RAB3IP: variants seen among roughly 807,000 people sequenced by gnomAD.
The protein encoded by RAB3IP is RAB3A interacting protein.
A neutral mutation model predicts 59.1 loss-of-function variants in RAB3IP; 36 were observed. The ratio of observed to expected loss-of-function variants is 0.61; its 90% CI spans 0.47 to 0.80. RAB3IP has a LOEUF of 0.80. Ranked by LOEUF, RAB3IP falls within the 30% of genes least tolerant of loss-of-function variation. The pLI, the probability that RAB3IP is intolerant of heterozygous loss-of-function variation, is 0.00. For synonymous variants in RAB3IP, 207 were observed against 191.2 expected (o/e 1.08, Z -0.68); for missense variants, 511 against 536.0 (o/e 0.95, Z 0.46).
At chr12:69,767,511 A>G (rs1468454952) in intron 3 of RAB3IP, among the ~76,000 whole-genome samples, 1 of 152,238 alleles carries the variant, frequency 6.6e-6, no homozygotes, top group African/African-American at 2.4e-5. Flanking sequence ...CTGACGGTGA[A>G]TCCAATGGGC....
intron 3 of RAB3IP, among the ~76,000 whole-genome samples, chr12:69,783,037 C>T (rs966603666): frequency 2.0e-5 from 3 of 152,086 alleles, no homozygotes; most frequent in African/African-American, 4.8e-5. Flanking sequence ...AATTCGGTAC[C>T]AGTCTGATTT....
intron 5 of RAB3IP, 98 bp downstream of exon 5, chr12:69,794,612 G>A: frequency 1.1e-6 from 1 of 900,250 alleles, no homozygotes; most frequent in South Asian, 2.0e-5. Context: ...TCGTAAAGTA[G>A]TGCTTGTTTT....
chr12:69,765,595 A>G (rs1170428459), intron 3 of RAB3IP, among the ~76,000 whole-genome samples: 1 of 152,176 alleles, frequency 6.6e-6, no homozygotes, highest in African/African-American at 2.4e-5. Flanking sequence ...TGGCCTGTGT[A>G]CTTAAGTGTG....
chr12:69,801,859 A>G (rs1878439813), intron 8 of RAB3IP, 138 bp downstream of exon 8: 2 of 522,840 alleles, frequency 3.8e-6, no homozygotes, highest in South Asian at 2.7e-5. Flanking sequence ...AGCCTAGCCC[A>G]AAGACAAATT....
rs574698521 is a variant in RAB3IP, at chr12:69,815,415, C to G, written c.1352C>G (p.Ala451Gly). Reference protein sequence around the residue: ...VMQLRKEMSLAKLGYFKEEL With the variant: ...VMQLRKEMSLGKLGYFKEEL Reference sequence around the variant, plus strand: ...CAGTTGAGAAAAGAGATGTCATTGGCAAAGCTGGGTTATTTCAAAGAGGAA... The same window carrying G: ...CAGTTGAGAAAAGAGATGTCATTGGGAAAGCTGGGTTATTTCAAAGAGGAA... The change falls in exon 11 of 11, where the codon GCA (alanine) becomes GGA (glycine). Residue 451 changes from alanine (A) to glycine (G), a missense_variant. Ala to Gly is a moderately conservative substitution (Grantham distance 60, BLOSUM62 0). Transcript: ENST00000247833. The G allele has an allele frequency of 1.1e-5, 17 of 1,612,568 alleles. No homozygotes were observed. The highest frequency in any genetic ancestry group is 1.3e-5 in the Non-Finnish European group (15 of 1,178,870).
At chr12:69,757,117 C>T (rs1870357795) in intron 3 of RAB3IP, among the ~76,000 whole-genome samples, 1 of 152,004 alleles carries the variant, frequency 6.6e-6, no homozygotes. Flanking sequence ...GTTGTGTTTC[C>T]CATTTGGTCA....
At chr12:69,738,850 C>G (rs898303326), upstream of RAB3IP, 1 of 152,246 alleles carries the variant, frequency 6.6e-6, no homozygotes, top group African/African-American at 2.4e-5. Flanking sequence ...CCCCCGGCCC[C>G]GCTTCCGGCG....
At chr12:69,763,968 C>A (rs967585929) in intron 3 of RAB3IP, among the ~76,000 whole-genome samples, 4 of 152,194 alleles carry the variant, frequency 2.6e-5, no homozygotes, top group African/African-American at 9.6e-5. Context: ...TATAATATTC[C>A]TTGGTGTATA....
chr12:69,820,638 C>T lies in RAB3IP; in HGVS notation c.*5192C>T, dbSNP rs191081727. 6.6e-6 allele frequency: 1 copy of T among 151,080 alleles called. No individual in the cohort carries two copies. Among genetic ancestry groups the T allele is most frequent in the South Asian group, 2.1e-4 (1 of 4,796 alleles). 9.4% of individuals were successfully genotyped at this position (151,080 alleles called of 1,614,324 possible). A position where few individuals can be genotyped will look rare whatever the true frequency, so the allele number is the denominator to read the frequency against. On this transcript the variant is annotated 3_prime_UTR_variant, in exon 11 of 11. Coordinates refer to ENST00000247833, the MANE Select transcript of RAB3IP (RefSeq NM_022456.5). ...CTTTGGGAGGCCGAGGCGGGCGGAT[C>T]CCCTGAGGTTGGTAGTTCGAGACCT...
intron 2 of RAB3IP, among the ~76,000 whole-genome samples, chr12:69,756,097 C>T (rs938366309): frequency 3.3e-5 from 5 of 152,134 alleles, no homozygotes; most frequent in African/African-American, 4.8e-5. Flanking sequence ...CTTATAAAAA[C>T]GGGTGGAAGG....
chr12:69,807,856 A>C (rs1023829214), intron 8 of RAB3IP, among the ~76,000 whole-genome samples: 1 of 128,292 alleles, frequency 7.8e-6, no homozygotes. Context: ...GGCGCTCCTC[A>C]CCTCCCAGAC....
At chr12:69,802,367 A>G (rs1251713375) in intron 8 of RAB3IP, among the ~76,000 whole-genome samples, 1 of 152,114 alleles carries the variant, frequency 6.6e-6, no homozygotes, top group Non-Finnish European at 1.5e-5. Flanking sequence ...TTTGTCTTTC[A>G]TATGTGAGTC....
At chr12:69,807,273 G>GAA (rs1879513824) in intron 8 of RAB3IP, among the ~76,000 whole-genome samples, 1 of 145,714 alleles carries the variant, frequency 6.9e-6, no homozygotes, top group African/African-American at 2.5e-5. Context: ...CCTCCCAGAC[G>GAA]GGGCAGCCGG....
intron 1 of RAB3IP, among the ~76,000 whole-genome samples, chr12:69,747,331 T>A (rs12815456): frequency 0.28 from 23,583 of 84,736 alleles, 2,124 homozygotes; most frequent in Non-Finnish European, 0.37. Context: ...TGTGTGTGTG[T>A]GAGAGAGAGA....
At chr12:69,809,529 A>C (rs1457871056) in intron 8 of RAB3IP, among the ~76,000 whole-genome samples, 1 of 152,194 alleles carries the variant, frequency 6.6e-6, no homozygotes, top group Non-Finnish European at 1.5e-5. Context: ...CGTCACTTTC[A>C]GGTACACCAA....
rs1881661030 is a variant in RAB3IP, at chr12:69,820,874, A to AAC, written c.*5429_*5430dup. ...ACTCCGTCTGAAAAAAAAAAAAAAA[A>AAC]ACCCAAACTCAATAGAAAATCAAGT... On this transcript the variant is annotated 3_prime_UTR_variant, in exon 11 of 11. Transcript: ENST00000247833. 1 of 151,834 alleles carries AAC rather than the reference A, an allele frequency of 6.6e-6. No homozygotes were observed. Among genetic ancestry groups the AAC allele is most frequent in the South Asian group, 2.1e-4 (1 of 4,800 alleles). 9.4% of individuals were successfully genotyped at this position (151,834 alleles called of 1,614,324 possible). A position where few individuals can be genotyped will look rare whatever the true frequency, so the allele number is the denominator to read the frequency against.
Position 69,755,522 on chromosome 12 carries a change from T to G in RAB3IP, c.114T>G (p.Ser38Arg). ...SGTQEQTTSPSVIYRPHPSAL... is the reference protein window; with the variant it reads ...SGTQEQTTSPRVIYRPHPSAL... ...CTCAAGAGCAGACTACCTCACCAAG[T>G]GTCATCTACCGGCCACACCCTTCAG... The change falls in exon 2 of 11, where the codon AGT becomes AGG. Residue 38 changes from serine to arginine, a missense_variant. Coordinates refer to ENST00000247833, the MANE Select transcript of RAB3IP (RefSeq NM_022456.5). 1 of 1,614,108 alleles carries G rather than the reference T, an allele frequency of 6.2e-7. No individual in the cohort carries two copies. The highest frequency in any genetic ancestry group is 8.5e-7 in the Non-Finnish European group (1 of 1,180,014).
At chr12:69,779,417 A>T (rs962284060) in intron 3 of RAB3IP, among the ~76,000 whole-genome samples, 1 of 151,936 alleles carries the variant, frequency 6.6e-6, no homozygotes, top group African/African-American at 2.4e-5. Flanking sequence ...AGCTGTTCCT[A>T]TTCGGCCATC....
At chr12:69,802,510 G>T (rs550884644) in intron 8 of RAB3IP, among the ~76,000 whole-genome samples, 1 of 152,256 alleles carries the variant, frequency 6.6e-6, no homozygotes, top group East Asian at 1.9e-4. Context: ...AAAGACGAAA[G>T]GTTTTGCCTA....
Sources: allele counts gnomAD v4.1 joint callset (sites outside exome capture counted in the v4.1 genomes callset), GRCh38; gene constraint gnomAD v4.1.1; transcripts MANE v1.5; gene names NCBI Gene and HGNC (gene_info 2026-07-23, HGNC 2026-07-21).